The following ARSB variants were observed in gnomAD, a reference collection of about 807,000 sequenced individuals.
ARSB encodes arylsulfatase B, also known as N-acetylgalactosamine-4-sulfatase.
ARSB carries 41 observed loss-of-function variants against 50.9 expected under a neutral mutation model. The observed-to-expected ratio is 0.81, with a 90% CI of 0.63 to 1.04. The LOEUF (loss-of-function observed/expected upper bound fraction) is 1.04, where lower values mean the gene tolerates loss of function less well. ARSB is among the 50% of genes least tolerant of loss of function. The pLI, the probability that ARSB is intolerant of heterozygous loss-of-function variation, is 0.00. For missense variants in ARSB, 672 were observed against 693.3 expected, an observed-to-expected ratio of 0.97 and a Z score of 0.35; for synonymous variants, 269 against 284.8, an observed-to-expected ratio of 0.94 and a Z score of 0.56.
chr5:78,940,941 G>A (rs1171725716), intron 4 of ARSB, among the ~76,000 whole-genome samples: 1 of 152,010 alleles, frequency 6.6e-6, no homozygotes, highest in Admixed American at 6.6e-5. Flanking sequence ...CCATTTGTTG[G>A]TATCCTCTTT....
intron 6 of ARSB, among the ~76,000 whole-genome samples, chr5:78,814,035 A>G (rs1291267899): frequency 7.2e-6 from 1 of 138,366 alleles, no homozygotes; most frequent in Non-Finnish European, 1.6e-5. Flanking sequence ...AGCTCCAAAT[A>G]TGGATTTTAT....
chr5:78,851,550 G>A (rs1181118251), intron 5 of ARSB, among the ~76,000 whole-genome samples: 2 of 152,120 alleles, frequency 1.3e-5, no homozygotes, highest in Non-Finnish European at 2.9e-5. Flanking sequence ...ACTTGGGGTG[G>A]AGAGGTCTGT....
At chr5:78,941,914 G>A (rs943747496) in intron 4 of ARSB, among the ~76,000 whole-genome samples, 2 of 152,090 alleles carry the variant, frequency 1.3e-5, no homozygotes, top group African/African-American at 4.8e-5. Flanking sequence ...TCTGGTCCTG[G>A]ACTCTTTTTG....
intron 4 of ARSB, among the ~76,000 whole-genome samples, chr5:78,949,399 A>G (rs1376817493): frequency 1.3e-5 from 2 of 152,208 alleles, no homozygotes; most frequent in African/African-American, 4.8e-5. Context: ...TAAGTGAAGT[A>G]AAGTGAGAGA....
At chr5:78,847,435 T>C (rs1041080818) in intron 5 of ARSB, among the ~76,000 whole-genome samples, 1 of 152,172 alleles carries the variant, frequency 6.6e-6, no homozygotes, top group African/African-American at 2.4e-5. Flanking sequence ...CTGTGAACGA[T>C]CTTTTTAATG....
intron 5 of ARSB, among the ~76,000 whole-genome samples, chr5:78,858,812 A>C (rs12187584): frequency 0.36 from 54,341 of 152,102 alleles, 11,215 homozygotes; most frequent in Admixed American, 0.48. Flanking sequence ...CATCTTCACT[A>C]CCAGCTACCG....
chr5:78,973,775 TTC>T, intron 1 of ARSB, among the ~76,000 whole-genome samples: 1 of 152,306 alleles, frequency 6.6e-6, no homozygotes, highest in South Asian at 2.1e-4. Context: ...TAGATGCTCT[TTC>T]TCTCCTCACC....
chr5:78,876,760 C>A (rs150224549), intron 5 of ARSB, among the ~76,000 whole-genome samples: 1 of 152,098 alleles, frequency 6.6e-6, no homozygotes, highest in East Asian at 1.9e-4. Context: ...GACTGTGGAC[C>A]GGTACCCATC....
chr5:78,960,805 C>T (rs1219686794), intron 3 of ARSB, among the ~76,000 whole-genome samples: 2 of 152,104 alleles, frequency 1.3e-5, no homozygotes, highest in African/African-American at 2.4e-5. Context: ...CCTCACAATC[C>T]ACCCGCCTCG....
At chr5:78,973,089 A>C (rs1752530466) in intron 1 of ARSB, among the ~76,000 whole-genome samples, 1 of 152,254 alleles carries the variant, frequency 6.6e-6, no homozygotes, top group African/African-American at 2.4e-5. Context: ...ACTTCAGCAC[A>C]GAACTACAGA....
chr5:78,920,700 T>C (rs1005892917), intron 4 of ARSB, among the ~76,000 whole-genome samples: 1 of 152,114 alleles, frequency 6.6e-6, no homozygotes, highest in Non-Finnish European at 1.5e-5. Flanking sequence ...GCACATCTGG[T>C]GATCTGACTC....
intron 6 of ARSB, among the ~76,000 whole-genome samples, chr5:78,807,209 G>A (rs1743599182): frequency 6.6e-6 from 1 of 152,188 alleles, no homozygotes; most frequent in South Asian, 2.1e-4. Context: ...TTAAGAGTGA[G>A]ACATAATAGA....
At chr5:78,919,897 G>C (rs992627577) in intron 4 of ARSB, among the ~76,000 whole-genome samples, 4 of 152,170 alleles carry the variant, frequency 2.6e-5, no homozygotes, top group African/African-American at 2.4e-5. Context: ...AGAAGCCCAG[G>C]AATCAAGGGC....
At chr5:78,939,046 G>A (rs941894193) in intron 4 of ARSB, among the ~76,000 whole-genome samples, 4 of 152,182 alleles carry the variant, frequency 2.6e-5, no homozygotes, top group African/African-American at 9.7e-5. Flanking sequence ...TCCGTCTCAT[G>A]TGTACTATGA....
intron 6 of ARSB, among the ~76,000 whole-genome samples, chr5:78,828,215 A>AT (rs370260911): frequency 5.3e-5 from 8 of 151,462 alleles, no homozygotes; most frequent in African/African-American, 1.5e-4. Context: ...GTTTAGGGTG[A>AT]TTTTTTTTGT....
At chr5:78,964,707 C>T (rs542051206) in intron 2 of ARSB, 101 bp from the exon 3 acceptor site, 30 of 1,100,522 alleles carry the variant, frequency 2.7e-5, no homozygotes, top group South Asian at 6.6e-5. Flanking sequence ...TTACCCGTGA[C>T]GAGGCTAATC....
intron 4 of ARSB, among the ~76,000 whole-genome samples, chr5:78,910,917 G>C (rs1309839190): frequency 2.6e-5 from 4 of 152,068 alleles, no homozygotes. Context: ...TGCTGCTCCT[G>C]GGACCATACT....
intron 4 of ARSB, among the ~76,000 whole-genome samples, chr5:78,946,147 G>A (rs367893193): frequency 2.0e-5 from 3 of 152,166 alleles, no homozygotes; most frequent in East Asian, 3.8e-4. Context: ...CTCATTGGCA[G>A]GAAAGTTGGG....
At chr5:78,910,919 G>T (rs1749279789) in intron 4 of ARSB, among the ~76,000 whole-genome samples, 1 of 152,100 alleles carries the variant, frequency 6.6e-6, no homozygotes, top group Admixed American at 6.6e-5. Flanking sequence ...CTGCTCCTGG[G>T]ACCATACTTA....
Sources: gnomAD v4.1 joint callset for allele counts (sites outside exome capture counted in the v4.1 genomes callset) on GRCh38, gnomAD v4.1.1 for gene constraint, MANE v1.5 for transcripts, NCBI Gene and HGNC (gene_info 2026-07-23, HGNC 2026-07-21) for gene names.